Variants in RALGAPA2 observed in about 807,000 individuals in gnomAD.
RALGAPA2 encodes the protein ral GTPase-activating protein subunit alpha-2.
In RALGAPA2, 139 loss-of-function variants were observed where a neutral mutation model predicts 230.4. The observed-to-expected ratio is 0.60, with a 90% CI of 0.53 to 0.69. The LOEUF (loss-of-function observed/expected upper bound fraction) is 0.69, where lower values mean the gene tolerates loss of function less well. RALGAPA2 is among the 30% of genes least tolerant of loss of function. The probability of loss-of-function intolerance (pLI) is 0.00; values close to 1 mark genes in which losing one functional copy is unlikely to be tolerated. For missense variants in RALGAPA2, 2,163 were observed against 2,276.0 expected (o/e 0.95, Z 1.01); for synonymous variants, 847 against 837.8 (o/e 1.01, Z -0.19).
At chr20:20,425,294 T>A (rs935972107) in intron 37 of RALGAPA2, among the ~76,000 whole-genome samples, 1 of 152,208 alleles carries the variant, frequency 6.6e-6, no homozygotes, top group Non-Finnish European at 1.5e-5. Context: ...AATTTTGTGG[T>A]CCAAAGTATT....
intron 15 of RALGAPA2, 103 bp downstream of exon 15, chr20:20,605,072 T>G: frequency 1.1e-6 from 1 of 910,864 alleles, no homozygotes; most frequent in Non-Finnish European, 1.7e-6. Context: ...GTGTAGTTGG[T>G]TCAGTTCATT....
intron 1 of RALGAPA2, among the ~76,000 whole-genome samples, chr20:20,690,425 C>T (rs979884532): frequency 6.6e-6 from 1 of 152,114 alleles, no homozygotes; most frequent in Non-Finnish European, 1.5e-5. Context: ...CCTAGGTACA[C>T]ATCAGGAGAT....
chr20:20,529,892 G>A (rs1026620832), intron 27 of RALGAPA2, among the ~76,000 whole-genome samples: 1 of 152,020 alleles, frequency 6.6e-6, no homozygotes, highest in African/African-American at 2.4e-5. Context: ...GTTTTTCCAT[G>A]GAAGGAGTAG....
chr20:20,591,155 A>C, intron 17 of RALGAPA2, 22 bp downstream of exon 17: 1 of 1,611,750 alleles, frequency 6.2e-7, no homozygotes, highest in Non-Finnish European at 8.5e-7. Flanking sequence ...GTTCTGTATT[A>C]AACACTGAAG....
At chr20:20,463,617 GTC>G (rs2061351652) in intron 37 of RALGAPA2, among the ~76,000 whole-genome samples, 1 of 152,136 alleles carries the variant, frequency 6.6e-6, no homozygotes. Context: ...AAGATTCCAT[GTC>G]TCTTCCTTGC....
intron 10 of RALGAPA2, among the ~76,000 whole-genome samples, chr20:20,623,513 AAAC>A (rs2066386277): frequency 6.6e-6 from 1 of 152,024 alleles, no homozygotes; most frequent in Non-Finnish European, 1.5e-5. Flanking sequence ...AAAAAAAAAA[AAAC>A]AAATCCACAA....
chr20:20,429,878 G>A (rs1452699807), intron 37 of RALGAPA2, among the ~76,000 whole-genome samples: 1 of 152,192 alleles, frequency 6.6e-6, no homozygotes, highest in Non-Finnish European at 1.5e-5. Context: ...TTTTAATTAT[G>A]TGCCACTTGG....
chr20:20,501,122 G>A (rs2062363149), intron 35 of RALGAPA2, among the ~76,000 whole-genome samples: 1 of 152,168 alleles, frequency 6.6e-6, no homozygotes, highest in Non-Finnish European at 1.5e-5. Flanking sequence ...TTTGGGGAAT[G>A]GTAAATGAGC....
chr20:20,598,438 C>G (rs1377151286), intron 16 of RALGAPA2, among the ~76,000 whole-genome samples: 2 of 152,052 alleles, frequency 1.3e-5, no homozygotes, highest in Non-Finnish European at 2.9e-5. Flanking sequence ...ACTGAAAAAC[C>G]CTTCTATCCT....
At chr20:20,621,460 CTT>C (rs753951151) in intron 10 of RALGAPA2, among the ~76,000 whole-genome samples, 1 of 141,268 alleles carries the variant, frequency 7.1e-6, no homozygotes, top group Admixed American at 7.1e-5. Flanking sequence ...GACTTTGTTT[CTT>C]TTTTTTTTTT....
At chr20:20,538,816 G>T (rs557800051) in intron 24 of RALGAPA2, among the ~76,000 whole-genome samples, 1 of 152,128 alleles carries the variant, frequency 6.6e-6, no homozygotes, top group Non-Finnish European at 1.5e-5. Context: ...CCCTGAGGAC[G>T]AAGAGACAGA....
intron 31 of RALGAPA2, among the ~76,000 whole-genome samples, chr20:20,516,753 G>A (rs943321927): frequency 3.3e-5 from 5 of 152,180 alleles, no homozygotes; most frequent in Non-Finnish European, 7.4e-5. Flanking sequence ...GAGTGTGGCA[G>A]CCCCACTGGG....
chr20:20,574,454 G>A (rs1353836589), intron 20 of RALGAPA2, among the ~76,000 whole-genome samples: 1 of 152,164 alleles, frequency 6.6e-6, no homozygotes, highest in Non-Finnish European at 1.5e-5. Context: ...TACCGATTAA[G>A]TTATAGAATT....
At chr20:20,544,843 G>A (rs2063738631) in intron 24 of RALGAPA2, among the ~76,000 whole-genome samples, 1 of 151,910 alleles carries the variant, frequency 6.6e-6, no homozygotes, top group Admixed American at 6.6e-5. Flanking sequence ...ACACAGCGAG[G>A]GGAATATCAC....
chr20:20,448,747 C>T (rs2060920700), intron 37 of RALGAPA2, among the ~76,000 whole-genome samples: 2 of 151,476 alleles, frequency 1.3e-5, no homozygotes, highest in Admixed American at 6.6e-5. Flanking sequence ...TTTTAGGGTA[C>T]TGAAAGAAAA....
At chr20:20,426,547 C>T (rs2061056015) in intron 37 of RALGAPA2, among the ~76,000 whole-genome samples, 1 of 152,192 alleles carries the variant, frequency 6.6e-6, no homozygotes, top group African/African-American at 2.4e-5. Flanking sequence ...GGTGGTCATA[C>T]AGCCCTGTGA....
chr20:20,583,901 C>T (rs954275818), intron 19 of RALGAPA2, among the ~76,000 whole-genome samples: 10 of 152,198 alleles, frequency 6.6e-5, no homozygotes, highest in African/African-American at 2.4e-4. Context: ...ATCTACATCT[C>T]TGTCTGCTCA....
intron 14 of RALGAPA2, 24 bp downstream of exon 14, chr20:20,611,291 A>C (rs757336751): frequency 1.3e-6 from 2 of 1,586,734 alleles, no homozygotes; most frequent in East Asian, 4.5e-5. Context: ...TTGCATTTGC[A>C]GTGCTTTCAT....
chr20:20,606,115 T>A (rs2065812324), intron 14 of RALGAPA2, among the ~76,000 whole-genome samples: 1 of 152,116 alleles, frequency 6.6e-6, no homozygotes, highest in Non-Finnish European at 1.5e-5. Flanking sequence ...AAGAAAAAAT[T>A]CCCTTGAACC....
Sources: allele counts gnomAD v4.1 joint callset (sites outside exome capture counted in the v4.1 genomes callset), GRCh38; gene constraint gnomAD v4.1.1; transcripts MANE v1.5; gene names NCBI Gene and HGNC (gene_info 2026-07-23, HGNC 2026-07-21).